Variants in GUCY1A2 observed in about 807,000 individuals in gnomAD.
GUCY1A2 encodes guanylate cyclase soluble subunit alpha-2.
Under a neutral mutation model 63.5 loss-of-function variants are expected in GUCY1A2, and 27 were observed. That is an observed-to-expected ratio of 0.43 (90% CI 0.31 to 0.59). The LOEUF is 0.59. Ranked by LOEUF, GUCY1A2 falls within the 20% of genes least tolerant of loss-of-function variation. The probability of loss-of-function intolerance (pLI) is 0.11; values close to 1 mark genes in which losing one functional copy is unlikely to be tolerated. For synonymous variants in GUCY1A2, 364 were observed against 343.5 expected (o/e 1.06, Z -0.66); for missense variants, 768 against 913.3 (o/e 0.84, Z 2.05).
At chr11:106,748,434 A>T (rs925641343) in intron 6 of GUCY1A2, among the ~76,000 whole-genome samples, 2 of 152,220 alleles carry the variant, frequency 1.3e-5, no homozygotes, top group Non-Finnish European at 2.9e-5. Context: ...CTATATGTAT[A>T]TGAATTGGGA....
intron 4 of GUCY1A2, among the ~76,000 whole-genome samples, chr11:106,882,393 G>T (rs1169136667): frequency 7.9e-5 from 12 of 151,944 alleles, no homozygotes; most frequent in Admixed American, 7.9e-4. Flanking sequence ...CCCAATAGCA[G>T]CAGCTTCCAA....
intron 7 of GUCY1A2, among the ~76,000 whole-genome samples, chr11:106,696,828 G>A (rs1021411684): frequency 3.3e-5 from 5 of 152,046 alleles, no homozygotes; most frequent in Non-Finnish European, 7.4e-5. Context: ...TCATTTTTGT[G>A]GAGAGAAACT....
In GUCY1A2 at chr11:106,676,485, GAC is replaced by G. The variant is rs1354976924; in HGVS notation, c.*11062_*11063del. 1.1e-5 allele frequency: 2 copies of G among 185,768 alleles called. No individual in the cohort carries two copies. Among genetic ancestry groups the G allele is most frequent in the African/African-American group, 4.7e-5 (2 of 42,558 alleles). The allele number at this position is 185,768 out of a possible 1,614,324, so 11.5% of individuals were successfully genotyped here. A position where few individuals can be genotyped will look rare whatever the true frequency, so the allele number is the denominator to read the frequency against. On this transcript the variant is annotated 3_prime_UTR_variant, in exon 8 of 8. Coordinates refer to ENST00000526355, the MANE Select transcript of GUCY1A2 (RefSeq NM_000855.3). ...CTGAATATAGGTTTAAAACCTCAAA[GAC>G]ACAGAGCTAAGAAATATGGAATACA...
chr11:106,698,359 G>A (rs993713851), intron 7 of GUCY1A2, among the ~76,000 whole-genome samples: 20 of 151,314 alleles, frequency 1.3e-4, no homozygotes, highest in Admixed American at 4.0e-4. Flanking sequence ...CTGAACTCAA[G>A]TGATCCTCTC....
At chr11:106,942,728 A>G (rs1260030737) in intron 3 of GUCY1A2, among the ~76,000 whole-genome samples, 1 of 151,792 alleles carries the variant, frequency 6.6e-6, no homozygotes, top group Non-Finnish European at 1.5e-5. Context: ...GTGTAAGCTT[A>G]TGTTCTGTGC....
intron 6 of GUCY1A2, among the ~76,000 whole-genome samples, chr11:106,740,692 A>G (rs1395169321): frequency 6.6e-6 from 1 of 151,562 alleles, no homozygotes; most frequent in East Asian, 2.0e-4. Context: ...GTATGTATTT[A>G]GAGACAGAGT....
rs945359712 is a variant in GUCY1A2, at chr11:106,687,384, G to A, written c.*165C>T. Reference sequence around the variant, plus strand: ...CATCCTCCGGCTTTTTATTGACAGCGGTCACCTCCACCTTTTAGTAGGATT... The same window carrying A: ...CATCCTCCGGCTTTTTATTGACAGCAGTCACCTCCACCTTTTAGTAGGATT... On this transcript the variant is annotated 3_prime_UTR_variant, in exon 8 of 8. Transcript: ENST00000526355. 1.8e-5 allele frequency: 11 copies of A among 619,768 alleles called. No homozygotes were observed. Among genetic ancestry groups the A allele is most frequent in the Admixed American group, 8.4e-5 (3 of 35,536 alleles). The allele number at this position is 619,768 out of a possible 1,614,324, so 38.4% of individuals were successfully genotyped here. A position where few individuals can be genotyped will look rare whatever the true frequency, so the allele number is the denominator to read the frequency against.
chr11:106,901,917 T>C (rs564564725), intron 4 of GUCY1A2, among the ~76,000 whole-genome samples: 107 of 152,266 alleles, frequency 7.0e-4, no homozygotes, highest in African/African-American at 2.3e-3. Flanking sequence ...CCCAAGTCTT[T>C]GCTATTGTGA....
chr11:106,931,931 A>C (rs1183739671), intron 4 of GUCY1A2, among the ~76,000 whole-genome samples: 4 of 152,176 alleles, frequency 2.6e-5, no homozygotes, highest in Middle Eastern at 3.2e-3. Context: ...TTTACTAAAA[A>C]TTATTGCACT....
At chr11:106,782,437 C>G (rs891090473) in intron 5 of GUCY1A2, among the ~76,000 whole-genome samples, 4 of 152,202 alleles carry the variant, frequency 2.6e-5, no homozygotes, top group African/African-American at 7.2e-5. Flanking sequence ...GACACCTCAT[C>G]ATGCTCAGGT....
intron 6 of GUCY1A2, among the ~76,000 whole-genome samples, chr11:106,719,240 T>C (rs1260972227): frequency 7.2e-5 from 11 of 152,102 alleles, no homozygotes; most frequent in Non-Finnish European, 1.6e-4. Flanking sequence ...ACTCAGTTAA[T>C]AAGGAAAATC....
At chr11:106,785,093 G>A (rs947068708) in intron 5 of GUCY1A2, among the ~76,000 whole-genome samples, 3 of 152,162 alleles carry the variant, frequency 2.0e-5, no homozygotes, top group African/African-American at 7.2e-5. Context: ...TTTTAGATGT[G>A]GGTAGCTTTT....
chr11:106,863,522 T>C (rs1307180872), intron 4 of GUCY1A2, among the ~76,000 whole-genome samples: 1 of 152,206 alleles, frequency 6.6e-6, no homozygotes, highest in African/African-American at 2.4e-5. Flanking sequence ...ACCAGTACCA[T>C]GCTGTTTTGG....
At chr11:106,839,351 AG>A (rs1333797399) in intron 4 of GUCY1A2, among the ~76,000 whole-genome samples, 1 of 152,002 alleles carries the variant, frequency 6.6e-6, no homozygotes, top group Non-Finnish European at 1.5e-5. Flanking sequence ...TTAAAAAGTC[AG>A]GGAACAACAG....
rs946658428 is a variant in GUCY1A2, at chr11:106,883,350, C to T, written c.1206+56110G>A. On this transcript the variant is annotated intron_variant, in intron 4 of 7. Coordinates refer to ENST00000526355, the MANE Select transcript of GUCY1A2 (RefSeq NM_000855.3). ...TGTATACCTTACACAACAGTATTTT[C>T]ATAATGTGTTATTTGTATCTATGAT... Among the ~76,000 whole-genome samples the T allele has an allele frequency of 2.0e-5, 3 of 152,240 alleles. No individual in the cohort carries two copies. The South Asian group carries it at 6.2e-4, about 32-fold the overall frequency.
intron 4 of GUCY1A2, among the ~76,000 whole-genome samples, chr11:106,844,529 T>G (rs572565596): frequency 3.2e-4 from 48 of 151,896 alleles, no homozygotes; most frequent in African/African-American, 1.1e-3. Context: ...TATTTTCATC[T>G]GGTAGCTACC....
intron 3 of GUCY1A2, among the ~76,000 whole-genome samples, chr11:106,978,290 A>G (rs1357417889): frequency 6.6e-6 from 1 of 152,200 alleles, no homozygotes; most frequent in Non-Finnish European, 1.5e-5. Flanking sequence ...CTGAGAGGAA[A>G]AAAAGATCCT....
At chr11:106,891,269 G>C (rs1859970123) in intron 4 of GUCY1A2, among the ~76,000 whole-genome samples, 2 of 152,008 alleles carry the variant, frequency 1.3e-5, no homozygotes, top group South Asian at 4.1e-4. Flanking sequence ...AAAAATAGCT[G>C]ATCAAGCCTT....
At chr11:106,712,428 A>G (rs1863136444) in intron 6 of GUCY1A2, among the ~76,000 whole-genome samples, 1 of 152,164 alleles carries the variant, frequency 6.6e-6, no homozygotes, top group Admixed American at 6.5e-5. Context: ...CACCGTTTTA[A>G]TGCCCTTGTC....
Sources: gnomAD v4.1 joint callset for allele counts (sites outside exome capture counted in the v4.1 genomes callset) on GRCh38, gnomAD v4.1.1 for gene constraint, MANE v1.5 for transcripts, NCBI Gene and HGNC (gene_info 2026-07-23, HGNC 2026-07-21) for gene names.